The following TOPBP1 variants were observed in gnomAD, a reference collection of about 807,000 sequenced individuals.
TOPBP1 encodes DNA topoisomerase 2-binding protein 1.
TOPBP1 carries 28 observed loss-of-function variants against 167.7 expected under a neutral mutation model. The ratio of observed to expected loss-of-function variants is 0.17; its 90% CI spans 0.12 to 0.23. The LOEUF is 0.23. Among genes scored for constraint, TOPBP1 ranks in the 10% least tolerant of loss-of-function variants. TOPBP1 has a pLI of 1.00. For synonymous variants in TOPBP1, 598 were observed against 611.4 expected (o/e 0.98, Z 0.32); for missense variants, 1,554 against 1,809.6 (o/e 0.86, Z 2.56).
At chr3:133,625,264 C>T (rs1382340487) in intron 16 of TOPBP1, among the ~76,000 whole-genome samples, 4 of 152,162 alleles carry the variant, frequency 2.6e-5, no homozygotes, top group Admixed American at 6.5e-5. Context: ...CGTGCCCGGC[C>T]GCTATTCAAT....
In TOPBP1 at chr3:133,658,006, A is replaced by T. The variant is rs9810823; in HGVS notation, c.220-65T>A. 4.6e-6 allele frequency: 6 copies of T among 1,307,306 alleles called. No individual in the cohort carries two copies. In the East Asian group the frequency reaches 1.1e-4, roughly 25 times the overall value. The allele number at this position is 1,307,306 out of a possible 1,614,324, so 81.0% of individuals were successfully genotyped here. A position where few individuals can be genotyped will look rare whatever the true frequency, so the allele number is the denominator to read the frequency against. On this transcript the variant is annotated intron_variant, in intron 3 of 27. Coordinates refer to ENST00000260810, the MANE Select transcript of TOPBP1 (RefSeq NM_007027.4). ...AAGACCACCAGTCTTACAAAATTAC[A>T]TTTTGTAACATTCACCAATTCTTTA...
intron 13 of TOPBP1, 48 bp from the exon 14 acceptor site, chr3:133,638,210 CT>C (rs766945184): frequency 1.3e-5 from 20 of 1,545,338 alleles, no homozygotes; most frequent in Non-Finnish European, 1.8e-5. Context: ...CTAATGCCCA[CT>C]TTTTCCCGGT....
intron 8 of TOPBP1, among the ~76,000 whole-genome samples, chr3:133,650,755 T>C (rs1040653973): frequency 1.3e-5 from 2 of 152,164 alleles, no homozygotes; most frequent in East Asian, 1.9e-4. Flanking sequence ...ATACTTTCTA[T>C]ATGTAAGAAA....
chr3:133,619,627 ACT>A (rs1197423430), intron 20 of TOPBP1, among the ~76,000 whole-genome samples: 3 of 152,308 alleles, frequency 2.0e-5, no homozygotes, highest in South Asian at 4.1e-4. Flanking sequence ...TTAGAAAAAG[ACT>A]CTGAAAAAAT....
intron 14 of TOPBP1, among the ~76,000 whole-genome samples, chr3:133,633,497 G>C (rs1935560414): frequency 6.6e-6 from 1 of 152,142 alleles, no homozygotes; most frequent in Non-Finnish European, 1.5e-5. Flanking sequence ...GTTGCTTAGA[G>C]CTCTTTTCTT....
intron 24 of TOPBP1, among the ~76,000 whole-genome samples, chr3:133,611,693 T>TC (rs1483419249): frequency 3.3e-5 from 5 of 152,254 alleles, no homozygotes; most frequent in Admixed American, 2.0e-4. Context: ...GCTGGTATAC[T>TC]CTAACTGGCC....
chr3:133,638,304 C>A, intron 13 of TOPBP1, 142 bp from the exon 14 acceptor site: 1 of 767,726 alleles, frequency 1.3e-6, no homozygotes, highest in Non-Finnish European at 2.1e-6. Flanking sequence ...TCTACCTCGG[C>A]ATCCTAATCT....
intron 6 of TOPBP1, among the ~76,000 whole-genome samples, chr3:133,654,302 G>A (rs1936404900): frequency 6.6e-6 from 1 of 152,108 alleles, no homozygotes; most frequent in Non-Finnish European, 1.5e-5. Flanking sequence ...GGATAGATAA[G>A]CCAAAAGATA....
rs1315044209 is a variant in TOPBP1 at position 133,637,777 on chromosome 3, A to G, written c.2520+99T>C. 3.1e-6 allele frequency: 4 copies of G among 1,306,302 alleles called. No individual in the cohort carries two copies. The Admixed American group carries it at 1.1e-4, about 35-fold the overall frequency. 80.9% of individuals were successfully genotyped at this position (1,306,302 alleles called of 1,614,324 possible). A position where few individuals can be genotyped will look rare whatever the true frequency, so the allele number is the denominator to read the frequency against. On this transcript the variant is annotated intron_variant, in intron 14 of 27. Transcript: ENST00000260810. ...AAATCTACTTGCCAATGTCTCTGGA[A>G]AATTTATTACTACACTTCAGAGGTG...
At chr3:133,617,458 A>C (rs903396426) in intron 21 of TOPBP1, 132 bp from the exon 22 acceptor site, 8 of 962,164 alleles carry the variant, frequency 8.3e-6, no homozygotes. Context: ...GTACAGGCAA[A>C]AAAGTATCCT....
At chr3:133,618,789 CAG>C (rs1165939898) in intron 20 of TOPBP1, among the ~76,000 whole-genome samples, 2 of 152,172 alleles carry the variant, frequency 1.3e-5, no homozygotes, top group African/African-American at 4.8e-5. Context: ...GTTAGGGAAA[CAG>C]GGTAATGTTT....
In TOPBP1 at chr3:133,640,057, T is replaced by C; in HGVS notation, c.2135A>G (p.Asn712Ser). ...CCAAGCTATAGTAACGGCAGGTAAATTCCACTTCTTTGCAGCTTCATATTT... is the reference window on the plus strand; with the variant it reads ...CCAAGCTATAGTAACGGCAGGTAAACTCCACTTCTTTGCAGCTTCATATTT... Reference protein sequence around the residue: ...GSKYEAAKKWNLPAVTIAWLL... With the variant: ...GSKYEAAKKWSLPAVTIAWLL... The change falls in exon 13 of 28, where the codon AAT becomes AGT. Residue 712 changes from asparagine to serine, a missense_variant. By Grantham distance (46) the Asn-to-Ser change is conservative. Transcript: ENST00000260810. 1 of 1,613,740 alleles carries C rather than the reference T, an allele frequency of 6.2e-7. No individual in the cohort carries two copies. The highest frequency in any genetic ancestry group is 1.1e-5 in the South Asian group (1 of 91,080).
chr3:133,622,952 G>C (rs1935141338), intron 19 of TOPBP1, 139 bp downstream of exon 19: 1 of 533,468 alleles, frequency 1.9e-6, no homozygotes, highest in Non-Finnish European at 3.2e-6. Flanking sequence ...GCTGGGTGCA[G>C]TGGCTCACAA....
Position 133,657,832 on chromosome 3 carries a change from G to T in TOPBP1, c.329C>A (p.Thr110Asn), listed in dbSNP as rs768282056. ...PVYNMVMSDV[T>N]ISCTSLEKEK... ...TTTTTCCAGACTTGTACAAGATATGGTTACATCAGACATAACCATATTATA... is the reference window on the plus strand; with the variant it reads ...TTTTTCCAGACTTGTACAAGATATGTTTACATCAGACATAACCATATTATA... Residue 110 changes from threonine to asparagine, a missense_variant, in exon 4 of 28, where the codon ACC (threonine) becomes AAC (asparagine). By Grantham distance (65) the Thr-to-Asn change is moderately conservative. This residue lies in a region of TOPBP1 where 1,197 missense variants were observed against 1,351.5 expected (regional missense o/e 0.89). Coordinates refer to ENST00000260810, the MANE Select transcript of TOPBP1 (RefSeq NM_007027.4). 1.3e-6 allele frequency: 2 copies of T among 1,579,752 alleles called. No individual in the cohort carries two copies. The highest frequency in any genetic ancestry group is 2.3e-5 in the East Asian group (1 of 42,648).
chr3:133,624,201 A>T (rs1935194123), intron 16 of TOPBP1, 26 bp from the exon 17 acceptor site: 1 of 1,607,972 alleles, frequency 6.2e-7, no homozygotes, highest in Non-Finnish European at 8.5e-7. Context: ...CAAAAAAACA[A>T]ATAACCAAGA....
intron 23 of TOPBP1, among the ~76,000 whole-genome samples, chr3:133,615,856 C>T (rs769823549): frequency 6.6e-6 from 1 of 152,196 alleles, no homozygotes; most frequent in African/African-American, 2.4e-5. Context: ...ATCCTCCTAC[C>T]TCAGCCCCCC....
intron 19 of TOPBP1, among the ~76,000 whole-genome samples, chr3:133,622,664 T>G (rs12637070): frequency 0.44 from 66,969 of 151,924 alleles, 15,258 homozygotes; most frequent in East Asian, 0.54. Flanking sequence ...TGTGGATATG[T>G]TAAAATATAT....
chr3:133,616,789 T>C, intron 23 of TOPBP1, 25 bp downstream of exon 23: 2 of 1,344,490 alleles, frequency 1.5e-6, no homozygotes, highest in African/African-American at 1.5e-5. Context: ...ATGGGACATT[T>C]TGGATTTAAG....
intron 6 of TOPBP1, among the ~76,000 whole-genome samples, chr3:133,655,035 C>T (rs778710173): frequency 6.7e-6 from 1 of 149,206 alleles, no homozygotes; most frequent in African/African-American, 2.4e-5. Context: ...GGTGAAAGCC[C>T]GTCTCTACTA....
Sources: allele counts gnomAD v4.1 joint callset (sites outside exome capture counted in the v4.1 genomes callset), GRCh38; gene constraint gnomAD v4.1.1; regional missense constraint gnomAD v4.1.1; transcripts MANE v1.5; gene names NCBI Gene and HGNC (gene_info 2026-07-23, HGNC 2026-07-21).